Variants in EIF2AK4 observed in about 807,000 individuals in gnomAD.
The protein encoded by EIF2AK4 is eIF-2-alpha kinase GCN2.
EIF2AK4 carries 139 observed loss-of-function variants against 211.1 expected under a neutral mutation model. The ratio of observed to expected loss-of-function variants is 0.66; its 90% CI spans 0.57 to 0.76. The LOEUF is 0.76. EIF2AK4 is among the 30% of genes least tolerant of loss of function. EIF2AK4 has a pLI of 0.00. For synonymous variants in EIF2AK4, 710 were observed against 751.3 expected, an observed-to-expected ratio of 0.94 and a Z score of 0.90; for missense variants, 1,664 against 2,043.8, an observed-to-expected ratio of 0.81 and a Z score of 3.58.
At chr15:39,977,931 C>T (rs959185603) in intron 12 of EIF2AK4, 147 bp from the exon 13 acceptor site, 3 of 433,556 alleles carry the variant, frequency 6.9e-6, no homozygotes, top group Non-Finnish European at 1.2e-5. Context: ...AAGTACAAAT[C>T]AGCACAGTGT....
intron 2 of EIF2AK4, 119 bp from the exon 3 acceptor site, chr15:39,943,264 G>T: frequency 2.9e-6 from 2 of 699,996 alleles, no homozygotes; most frequent in Non-Finnish European, 2.2e-6. Flanking sequence ...TATGGTTGAA[G>T]TCCCTTTGAG....
chr15:40,017,488 C>T (rs1263855090), intron 29 of EIF2AK4, among the ~76,000 whole-genome samples: 2 of 102,414 alleles, frequency 2.0e-5, no homozygotes, highest in African/African-American at 7.7e-5. Context: ...CTCATGTACC[C>T]TTTACTCTGT....
At chr15:39,947,965 T>C (rs2034252413) in intron 3 of EIF2AK4, among the ~76,000 whole-genome samples, 1 of 152,260 alleles carries the variant, frequency 6.6e-6, no homozygotes, top group Non-Finnish European at 1.5e-5. Flanking sequence ...GTGGTTTCTC[T>C]TTGACATGAT....
At chr15:40,023,925 T>C (rs2035427926) in intron 32 of EIF2AK4, among the ~76,000 whole-genome samples, 1 of 152,238 alleles carries the variant, frequency 6.6e-6, no homozygotes, top group South Asian at 2.1e-4. Flanking sequence ...TGCTTTTATA[T>C]GTCTGTGAAC....
intron 4 of EIF2AK4, among the ~76,000 whole-genome samples, 178 bp downstream of exon 4, chr15:39,949,446 T>C (rs1364865599): frequency 2.0e-5 from 3 of 152,156 alleles, no homozygotes; most frequent in Non-Finnish European, 4.4e-5. Flanking sequence ...CTGACACATA[T>C]CAGTACTGTC....
At chr15:39,961,595 CATT>C in intron 6 of EIF2AK4, among the ~76,000 whole-genome samples, 186 bp from the exon 7 acceptor site, 1 of 152,142 alleles carries the variant, frequency 6.6e-6, no homozygotes. Context: ...ATGGCTTTCC[CATT>C]AGCACCGCCT....
intron 9 of EIF2AK4, among the ~76,000 whole-genome samples, chr15:39,968,695 T>A (rs2034578267): frequency 6.6e-6 from 1 of 152,170 alleles, no homozygotes; most frequent in Non-Finnish European, 1.5e-5. Flanking sequence ...TTGCTTTTAT[T>A]CACTTCTTCC....
rs779578041 is a variant in EIF2AK4, at chr15:40,000,980, T to C, written c.2923-8T>C. 1.2e-6 allele frequency: 2 copies of C among 1,614,098 alleles called. No individual in the cohort carries two copies. The highest frequency in any genetic ancestry group is 1.7e-6 in the Non-Finnish European group (2 of 1,179,954). On this transcript the variant is annotated splice_polypyrimidine_tract_variant and splice_region_variant and intron_variant, in intron 20 of 38. Coordinates refer to ENST00000263791, the MANE Select transcript of EIF2AK4 (RefSeq NM_001013703.4). The stretch of plus-strand genomic sequence containing the variant: ...TCCCATTAGCAGTGTGCCTGGGTTT[T>C]ATTGTAGAAATCAGTCATCTCCTGG...
At chr15:39,959,568 A>C (rs865889152) in intron 6 of EIF2AK4, among the ~76,000 whole-genome samples, 9 of 152,162 alleles carry the variant, frequency 5.9e-5, no homozygotes, top group Non-Finnish European at 8.8e-5. Context: ...TGTACTTATC[A>C]GTCATAATAG....
intron 9 of EIF2AK4, among the ~76,000 whole-genome samples, chr15:39,969,577 G>A (rs1566989506): frequency 6.6e-6 from 1 of 152,040 alleles, no homozygotes; most frequent in Admixed American, 6.5e-5. Context: ...AGCCAGGATG[G>A]TCTCAATCTC....
rs762306225 is a variant in EIF2AK4, at chr15:39,961,810, A to T, written c.770A>T (p.Asn257Ile). Residue 257 changes from asparagine (N) to isoleucine (I), a missense_variant, in exon 7 of 39, where the codon AAT (asparagine) becomes ATT (isoleucine). Physicochemically the swap from Asn to Ile is moderately radical, Grantham distance 149 (BLOSUM62 -3). Coordinates refer to ENST00000263791, the MANE Select transcript of EIF2AK4 (RefSeq NM_001013703.4). ...SRRERQYSVC[N>I]SEDSPGSCEI... ...CGAGAACGTCAGTATTCTGTATGTA[A>T]TAGTGAAGATTCTCCTGGCTCTTGT... 1.9e-6 allele frequency: 3 copies of T among 1,613,982 alleles called. No homozygotes were observed. Among genetic ancestry groups the T allele is most frequent in the Non-Finnish European group, 2.5e-6 (3 of 1,179,958 alleles).
intron 6 of EIF2AK4, among the ~76,000 whole-genome samples, chr15:39,958,162 A>T (rs1011352830): frequency 6.6e-5 from 10 of 152,230 alleles, no homozygotes; most frequent in African/African-American, 2.4e-4. Context: ...TAGTCCCCCC[A>T]ACCCACTGCC....
intron 12 of EIF2AK4, 40 bp from the exon 13 acceptor site, chr15:39,978,038 G>A: frequency 7.1e-7 from 1 of 1,407,354 alleles, no homozygotes; most frequent in South Asian, 1.2e-5. Flanking sequence ...ATGATAATAG[G>A]GATTTCTGTT....
intron 13 of EIF2AK4, among the ~76,000 whole-genome samples, chr15:39,984,011 C>A (rs2034830601): frequency 1.3e-5 from 2 of 152,172 alleles, no homozygotes; most frequent in Non-Finnish European, 2.9e-5. Flanking sequence ...TTTAATCCAT[C>A]TTGAGTTAAT....
chr15:39,952,566 G>A (rs1217954170), intron 4 of EIF2AK4, among the ~76,000 whole-genome samples: 2 of 152,022 alleles, frequency 1.3e-5, no homozygotes, highest in African/African-American at 4.8e-5. Flanking sequence ...ATGAGCCACC[G>A]TGCCCAGCAC....
At position 40,030,339 on chromosome 15, in the gene EIF2AK4, T is replaced by C; in HGVS notation, c.4562-20T>C. On this transcript the variant is annotated intron_variant, in intron 34 of 38. Transcript: ENST00000263791. Reference sequence around the variant, plus strand: ...TGGGACCAGATAAGGCCATAAATTCTGAAACTCTCTTGGTCTCAGGTTTGT... The same window carrying C: ...TGGGACCAGATAAGGCCATAAATTCCGAAACTCTCTTGGTCTCAGGTTTGT... 1.2e-6 allele frequency: 2 copies of C among 1,612,532 alleles called. No homozygotes were observed. The highest frequency in any genetic ancestry group is 8.5e-7 in the Non-Finnish European group (1 of 1,179,098).
intron 23 of EIF2AK4, among the ~76,000 whole-genome samples, chr15:40,006,768 G>A (rs140376848): frequency 5.8e-4 from 89 of 152,198 alleles, no homozygotes; most frequent in African/African-American, 2.1e-3. Flanking sequence ...AAAAACCTAA[G>A]AAATGCCACA....
At position 40,003,261 on chromosome 15, in the gene EIF2AK4, G is replaced by T; in HGVS notation, c.3304G>T (p.Ala1102Ser). The T allele has an allele frequency of 6.2e-7, 1 of 1,614,212 alleles. No homozygotes were observed. Among genetic ancestry groups the T allele is most frequent in the Non-Finnish European group, 8.5e-7 (1 of 1,180,034 alleles). ...ACAAATATATGAGCACAACGAAGCT[G>T]CCCTATTCATGGACCACAGCGGGAT... ...NRQIYEHNEAALFMDHSGMLV... is the reference protein window; with the variant it reads ...NRQIYEHNEASLFMDHSGMLV... Residue 1102 changes from alanine to serine, a missense_variant, in exon 23 of 39, where the codon GCC becomes TCC. Physicochemically the swap from Ala to Ser is moderately conservative, Grantham distance 99 (BLOSUM62 1). Around this residue, in one of 7 missense-constraint regions of EIF2AK4, gnomAD observed 622 missense variants for 796.8 expected, o/e 0.78. Transcript: ENST00000263791.
In EIF2AK4 at chr15:39,953,940, GAA is replaced by G. The variant is rs752274807; in HGVS notation, c.551_552del (p.Glu184GlyfsTer13). 22 of 1,610,370 alleles carry G rather than the reference GAA, an allele frequency of 1.4e-5. No individual in the cohort carries two copies. Among genetic ancestry groups the G allele is most frequent in the Non-Finnish European group, 1.8e-5 (21 of 1,179,298 alleles). On this transcript the variant is annotated frameshift_variant, in exon 5 of 39. Transcript: ENST00000263791. LOFTEE classifies it high-confidence loss of function. ...CCTGCATGAGATTCAGAGAAGGAAA[GAA>G]GAGATAAAAGAAGAGAAAAAAAGGA... is the stretch of plus-strand genomic sequence containing the variant. Reference protein sequence around the residue: ...EILHEIQRRKEEIKEEKKRKE... With the variant: ...EILHEIQRRKXEIKEEKKRKE...
Sources: gnomAD v4.1 joint callset for allele counts (sites outside exome capture counted in the v4.1 genomes callset) on GRCh38, gnomAD v4.1.1 for gene constraint, gnomAD v4.1.1 regional missense constraint, MANE v1.5 for transcripts, NCBI Gene and HGNC (gene_info 2026-07-23, HGNC 2026-07-21) for gene names.